DPYD: variants seen among roughly 807,000 people sequenced by gnomAD.
The protein encoded by DPYD is dihydropyrimidine dehydrogenase, also known as dihydropyrimidine dehydrogenase [NADP(+)].
Under a neutral mutation model 116.2 loss-of-function variants are expected in DPYD, and 109 were observed. The ratio of observed to expected loss-of-function variants is 0.94; its 90% CI spans 0.80 to 1.10. The LOEUF is 1.10. DPYD is among the 50% of genes least tolerant of loss of function. The pLI, the probability that DPYD is intolerant of heterozygous loss-of-function variation, is 0.00. For missense variants in DPYD, 1,302 were observed against 1,254.5 expected, an observed-to-expected ratio of 1.04 and a Z score of -0.57; for synonymous variants, 440 against 432.0, an observed-to-expected ratio of 1.02 and a Z score of -0.23.
At chr1:97,167,964 T>C (rs990924866) in intron 20 of DPYD, among the ~76,000 whole-genome samples, 3 of 152,200 alleles carry the variant, frequency 2.0e-5, no homozygotes, top group Admixed American at 1.3e-4. Flanking sequence ...TTAATAGTCA[T>C]AAGTACATTA....
Position 97,703,290 on chromosome 1 carries a change from G to A in DPYD, c.484-3743C>T, listed in dbSNP as rs567753246. ...GGTATATTTTTAGAAGTATGGCATTGAAACGAGACTCTTGGGGTTGAGTCT... is the reference window on the plus strand; with the variant it reads ...GGTATATTTTTAGAAGTATGGCATTAAAACGAGACTCTTGGGGTTGAGTCT... On this transcript the variant is annotated intron_variant, in intron 5 of 22. Transcript: ENST00000370192. 1.4e-3 allele frequency among the ~76,000 whole-genome samples: 210 copies of A among 151,954 alleles called. 2 individuals are homozygous for A. The highest frequency in any genetic ancestry group is 2.3e-3 in the Non-Finnish European group (153 of 67,920).
At chr1:97,503,807 C>G (rs1262829003) in intron 13 of DPYD, among the ~76,000 whole-genome samples, 1 of 151,874 alleles carries the variant, frequency 6.6e-6, no homozygotes. Flanking sequence ...AAAAAAATCT[C>G]TATATGCAAA....
At chr1:97,885,962 C>G (rs1009537723) in intron 1 of DPYD, among the ~76,000 whole-genome samples, 1 of 12,590 alleles carries the variant, frequency 7.9e-5, no homozygotes, top group African/African-American at 1.5e-4. Context: ...TAAGAGGTCA[C>G]CTCTGGAATG....
chr1:97,386,416 G>A (rs72728452), intron 14 of DPYD, among the ~76,000 whole-genome samples: 11,200 of 152,090 alleles, frequency 0.074, 506 homozygotes, highest in African/African-American at 0.12. Flanking sequence ...ACAGAGACAG[G>A]AGAAAGTAGA....
chr1:97,678,961 C>T (rs768944795), intron 8 of DPYD, 134 bp downstream of exon 8: 32 of 422,268 alleles, frequency 7.6e-5, no homozygotes, highest in Non-Finnish European at 1.2e-4. Flanking sequence ...CTTGGCCAAT[C>T]ATTTCTATCT....
chr1:97,443,883 A>T lies in DPYD; in HGVS notation c.1905+6176T>A, dbSNP rs190928107. ...TTCGTGGAGATGGCAAGAAGACTGT[A>T]CAAGGGCTCTGGACTAACGTACGCC... On this transcript the variant is annotated intron_variant, in intron 14 of 22. Coordinates refer to ENST00000370192, the MANE Select transcript of DPYD (RefSeq NM_000110.4). Among the ~76,000 whole-genome samples, 124 of 152,364 alleles carry T rather than the reference A, an allele frequency of 8.1e-4. 1 individual carries two copies. The highest frequency in any genetic ancestry group is 3.0e-3 in the African/African-American group (124 of 41,600).
At chr1:97,685,072 T>G (rs1469971629) in intron 7 of DPYD, among the ~76,000 whole-genome samples, 1 of 152,186 alleles carries the variant, frequency 6.6e-6, no homozygotes, top group Non-Finnish European at 1.5e-5. Flanking sequence ...ATATCCCTGA[T>G]GAACATTGAT....
At chr1:97,386,626 T>C (rs1210575372) in intron 14 of DPYD, among the ~76,000 whole-genome samples, 1 of 152,134 alleles carries the variant, frequency 6.6e-6, no homozygotes. Context: ...TGAAGAAATT[T>C]TCAAAGCAAT....
intron 20 of DPYD, among the ~76,000 whole-genome samples, chr1:97,166,361 A>G (rs1351632656): frequency 6.6e-6 from 1 of 152,156 alleles, no homozygotes; most frequent in Non-Finnish European, 1.5e-5. Context: ...TGGGAGCTAA[A>G]GAATGAGAAC....
At chr1:97,735,785 C>CA (rs1270942052) in intron 4 of DPYD, among the ~76,000 whole-genome samples, 12 of 151,238 alleles carry the variant, frequency 7.9e-5, no homozygotes, top group South Asian at 6.3e-4. Context: ...AAAAAAAGCA[C>CA]AAAAAACTCT....
chr1:97,648,288 G>A (rs980948779), intron 8 of DPYD, among the ~76,000 whole-genome samples: 1 of 151,906 alleles, frequency 6.6e-6, no homozygotes, highest in Non-Finnish European at 1.5e-5. Flanking sequence ...AAATCACTCT[G>A]GGGCTTAGAG....
chr1:97,843,475 T>A (rs1670136513), intron 2 of DPYD, among the ~76,000 whole-genome samples: 1 of 152,176 alleles, frequency 6.6e-6, no homozygotes, highest in African/African-American at 2.4e-5. Context: ...AGCCATCATC[T>A]ATGGAGCCTT....
chr1:97,846,346 C>A (rs1158172071), intron 2 of DPYD, among the ~76,000 whole-genome samples: 2 of 152,094 alleles, frequency 1.3e-5, no homozygotes, highest in Non-Finnish European at 2.9e-5. Context: ...AATAAATAAA[C>A]TGTTTTCCTG....
At position 97,241,847 on chromosome 1, in the gene DPYD, G is replaced by A. The variant is rs112978348; in HGVS notation, c.2300-6853C>T. Among the ~76,000 whole-genome samples the A allele has an allele frequency of 9.2e-3, 1,399 of 151,784 alleles. 18 individuals carry two copies. The highest frequency in any genetic ancestry group is 0.031 in the African/African-American group (1,298 of 41,458). On this transcript the variant is annotated intron_variant, in intron 18 of 22. Transcript: ENST00000370192. ...TGGCACAGTGCCTAGCTTATAATGTGTATAAGCTAATATTAGTGTCAAAGC... is the reference window on the plus strand; with the variant it reads ...TGGCACAGTGCCTAGCTTATAATGTATATAAGCTAATATTAGTGTCAAAGC...
chr1:97,811,758 T>C (rs968382187), intron 3 of DPYD, among the ~76,000 whole-genome samples: 4 of 152,146 alleles, frequency 2.6e-5, no homozygotes, highest in Admixed American at 6.6e-5. Context: ...CTCCAAATTG[T>C]AGGCTGAAAT....
intron 13 of DPYD, among the ~76,000 whole-genome samples, chr1:97,511,289 T>A (rs1365310323): frequency 2.0e-5 from 3 of 152,022 alleles, no homozygotes; most frequent in Non-Finnish European, 4.4e-5. Context: ...AAACATTTAG[T>A]CTATACATCC....
At chr1:97,519,912 A>G (rs1383423973) in intron 12 of DPYD, among the ~76,000 whole-genome samples, 1 of 152,134 alleles carries the variant, frequency 6.6e-6, no homozygotes, top group Non-Finnish European at 1.5e-5. Flanking sequence ...CATTACAGAG[A>G]AATTATTTTA....
At chr1:97,168,352 T>C (rs1382118534) in intron 20 of DPYD, among the ~76,000 whole-genome samples, 1 of 152,178 alleles carries the variant, frequency 6.6e-6, no homozygotes, top group African/African-American at 2.4e-5. Context: ...GGCTTTCATT[T>C]CCTGTTGTCT....
At chr1:97,559,663 C>G (rs558759027) in intron 11 of DPYD, among the ~76,000 whole-genome samples, 5 of 150,626 alleles carry the variant, frequency 3.3e-5, no homozygotes, top group Non-Finnish European at 7.4e-5. Flanking sequence ...CCTTGTCAAT[C>G]GTCAGTAGGC....
Sources: allele counts gnomAD v4.1 joint callset (sites outside exome capture counted in the v4.1 genomes callset), GRCh38; gene constraint gnomAD v4.1.1; transcripts MANE v1.5; gene names NCBI Gene and HGNC (gene_info 2026-07-23, HGNC 2026-07-21).